APAF1: variants seen among roughly 807,000 people sequenced by gnomAD.
The protein encoded by APAF1 is apoptotic protease-activating factor 1.
A neutral mutation model predicts 152.4 loss-of-function variants in APAF1; 91 were observed. The ratio of observed to expected loss-of-function variants is 0.60; its 90% confidence interval spans 0.50 to 0.71. APAF1 has a LOEUF of 0.71. APAF1 is among the 30% of genes least tolerant of loss of function. The pLI is 0.00. For missense variants in APAF1, 1,283 were observed against 1,472.0 expected (o/e 0.87, Z 2.10); for synonymous variants, 484 against 494.1 (o/e 0.98, Z 0.27).
At chr12:98,712,997 T>C (rs1048236179) in intron 21 of APAF1, among the ~76,000 whole-genome samples, 1 of 152,128 alleles carries the variant, frequency 6.6e-6, no homozygotes, top group Non-Finnish European at 1.5e-5. Context: ...TTTCTGTTTT[T>C]GTAGAGATGG....
Position 98,703,508 on chromosome 12 carries a change from T to C in APAF1, c.2595+9T>C. ...CCCAGTACTGTGTAGAGGTGAGTAG[T>C]TGAATTTATTCTGTGAAGCCTGGGT... On this transcript the variant is annotated intron_variant, in intron 18 of 26. Transcript: ENST00000551964. 5 of 1,614,074 alleles carry C rather than the reference T, an allele frequency of 3.1e-6. No individual in the cohort carries two copies. Among genetic ancestry groups the C allele is most frequent in the Non-Finnish European group, 3.4e-6 (4 of 1,179,956 alleles).
At chr12:98,667,050 T>C (rs1373841669) in intron 9 of APAF1, among the ~76,000 whole-genome samples, 8 of 151,988 alleles carry the variant, frequency 5.3e-5, no homozygotes, top group Admixed American at 3.3e-4. Context: ...AAGTGGTATC[T>C]GCCAGGTTTC....
Position 98,708,685 on chromosome 12 carries a change from A to G in APAF1, c.2822A>G (p.Asp941Gly). 1.2e-6 allele frequency: 2 copies of G among 1,613,706 alleles called. No individual in the cohort carries two copies. The highest frequency in any genetic ancestry group is 1.7e-6 in the Non-Finnish European group (2 of 1,179,868). ...AATGAAGTGATGGTCCTTGCAGTTG[A>G]CCATATAAGACGTCTGCAAGTGAGT... Reference protein sequence around the residue: ...QENEVMVLAVDHIRRLQLING... With the variant: ...QENEVMVLAVGHIRRLQLING... The change falls in exon 20 of 27, where the codon GAC (aspartate) becomes GGC (glycine). Residue 941 changes from aspartate to glycine, a missense_variant. Physicochemically the swap from Asp to Gly is moderately conservative, Grantham distance 94. Transcript: ENST00000551964.
At chr12:98,651,467 T>C (rs1336212967) in intron 4 of APAF1, among the ~76,000 whole-genome samples, 1 of 152,166 alleles carries the variant, frequency 6.6e-6, no homozygotes, top group Non-Finnish European at 1.5e-5. Context: ...GATTTATCCT[T>C]GTTGCTATGT....
intron 17 of APAF1, 130 bp from the exon 18 acceptor site, chr12:98,703,241 T>C: frequency 2.1e-6 from 2 of 961,410 alleles, no homozygotes; most frequent in Non-Finnish European, 3.3e-6. Context: ...TTTATGACTG[T>C]CAATAATTAT....
Position 98,658,447 on chromosome 12 carries a change from A to G in APAF1, c.527-713A>G, listed in dbSNP as rs895941685. ...TTAACATAGCAATTTCACATATTTT[A>G]TATCATTAATTTTTCACAGCAACTC... On this transcript the variant is annotated intron_variant, in intron 4 of 26. Coordinates refer to ENST00000551964, the MANE Select transcript of APAF1 (RefSeq NM_181861.2). 3.3e-5 allele frequency among the ~76,000 whole-genome samples: 5 copies of G among 152,142 alleles called. No homozygotes were observed. The South Asian group carries it at 8.3e-4, about 25-fold the overall frequency.
intron 12 of APAF1, 45 bp downstream of exon 12, chr12:98,671,764 A>G (rs763913744): frequency 3.8e-6 from 6 of 1,571,496 alleles, no homozygotes; most frequent in Non-Finnish European, 5.3e-6. Context: ...TGCGCTAACT[A>G]TATCATTATT....
intron 4 of APAF1, among the ~76,000 whole-genome samples, chr12:98,651,656 AT>A (rs1235896030): frequency 6.7e-6 from 1 of 148,844 alleles, no homozygotes; most frequent in African/African-American, 2.5e-5. Flanking sequence ...GTAATTATTT[AT>A]TTATTTTTGT....
intron 20 of APAF1, among the ~76,000 whole-genome samples, chr12:98,709,784 T>C (rs1447974044): frequency 6.6e-6 from 1 of 152,180 alleles, no homozygotes; most frequent in Non-Finnish European, 1.5e-5. Context: ...GGCTTTTATG[T>C]GAACTGGTGG....
rs139782973 is a variant in APAF1 at position 98,723,824 on chromosome 12, C to T, written c.3330+60C>T. On this transcript the variant is annotated intron_variant, in intron 24 of 26. Coordinates refer to ENST00000551964, the MANE Select transcript of APAF1 (RefSeq NM_181861.2). ...TGGTAGTGGTTATGTATAATGAGTTCAAATAATATATGCAAAAGGACATAA... is the reference window on the plus strand; with the variant it reads ...TGGTAGTGGTTATGTATAATGAGTTTAAATAATATATGCAAAAGGACATAA... The T allele has an allele frequency of 1.5e-4, 225 of 1,540,966 alleles. 2 individuals carry two copies. The East Asian group carries it at 4.9e-3, about 33-fold the overall frequency.
At chr12:98,711,246 T>G (rs926382220) in intron 20 of APAF1, among the ~76,000 whole-genome samples, 4 of 152,222 alleles carry the variant, frequency 2.6e-5, no homozygotes, top group Admixed American at 6.5e-5. Context: ...ATTTCCTTTA[T>G]TAAATTTGTG....
chr12:98,698,699 C>T (rs1478967035), intron 16 of APAF1, among the ~76,000 whole-genome samples: 1 of 152,210 alleles, frequency 6.6e-6, no homozygotes, highest in East Asian at 1.9e-4. Flanking sequence ...TCTCCGTGGC[C>T]AACCTTTGGT....
intron 16 of APAF1, among the ~76,000 whole-genome samples, chr12:98,698,664 A>T (rs2097712145): frequency 2.0e-5 from 3 of 152,204 alleles, no homozygotes; most frequent in South Asian, 4.1e-4. Flanking sequence ...CCTGAGCAGC[A>T]GCTTTCTCCC....
chr12:98,696,147 C>T (rs1223128431), intron 16 of APAF1, among the ~76,000 whole-genome samples: 2 of 152,048 alleles, frequency 1.3e-5, no homozygotes, highest in Non-Finnish European at 2.9e-5. Flanking sequence ...ATACCTGAGA[C>T]TGGGTAATTT....
At chr12:98,725,566 A>G (rs937441712) in intron 25 of APAF1, 26 bp downstream of exon 25, 1 of 1,613,714 alleles carries the variant, frequency 6.2e-7, no homozygotes, top group African/African-American at 1.3e-5. Context: ...ACATGAGAGC[A>G]CTGCTCTTCT....
Position 98,732,852 on chromosome 12 carries a change from G to A in APAF1, c.*286G>A, listed in dbSNP as rs543214134. On this transcript the variant is annotated 3_prime_UTR_variant, in exon 27 of 27. Coordinates refer to ENST00000551964, the MANE Select transcript of APAF1 (RefSeq NM_181861.2). ...ACTGTTGGTAAAATTCTGTCTTGATGCATTCAAAATGGTTGACATAATTAA... is the reference window on the plus strand; with the variant it reads ...ACTGTTGGTAAAATTCTGTCTTGATACATTCAAAATGGTTGACATAATTAA... 4.7e-4 allele frequency: 171 copies of A among 360,092 alleles called. 2 individuals carry two copies. The highest frequency in any genetic ancestry group is 4.3e-3 in the Middle Eastern group (5 of 1,160). The allele number at this position is 360,092 out of a possible 1,614,324, so 22.3% of individuals were successfully genotyped here. A position where few individuals can be genotyped will look rare whatever the true frequency, so the allele number is the denominator to read the frequency against.
At position 98,725,430 on chromosome 12, in the gene APAF1, C is replaced by T. The variant is rs755242803; in HGVS notation, c.3346C>T (p.Leu1116Phe). The change falls in exon 25 of 27, where the codon CTC (leucine) becomes TTC (phenylalanine). Residue 1116 changes from leucine to phenylalanine, a missense_variant. Physicochemically the swap from Leu to Phe is conservative, Grantham distance 22. Coordinates refer to ENST00000551964, the MANE Select transcript of APAF1 (RefSeq NM_181861.2). The part of the protein sequence containing the change: ...DKTAKIWSFD[L>F]LLPLHELRGH... ...TGCCTTCCAGATCTGGAGTTTTGAT[C>T]TCCTTTTGCCACTTCATGAATTGAG... The T allele has an allele frequency of 6.2e-7, 1 of 1,614,086 alleles. No homozygotes were observed. Among genetic ancestry groups the T allele is most frequent in the East Asian group, 2.2e-5 (1 of 44,878 alleles).
chr12:98,723,433 T>G lies in APAF1; in HGVS notation c.3204+121T>G. 2 of 1,193,590 alleles carry G rather than the reference T, an allele frequency of 1.7e-6. No homozygotes were observed. Among genetic ancestry groups the G allele is most frequent in the Middle Eastern group, 2.8e-4 (1 of 3,562 alleles). 73.9% of individuals were successfully genotyped at this position (1,193,590 alleles called of 1,614,324 possible). A position where few individuals can be genotyped will look rare whatever the true frequency, so the allele number is the denominator to read the frequency against. ...ACTTAAAAATTTTTAATTTTTCTCA[T>G]GCTTGTTTTCTGTTAATTGCAGTCA... On this transcript the variant is annotated intron_variant, in intron 23 of 26. Transcript: ENST00000551964.
intron 16 of APAF1, among the ~76,000 whole-genome samples, chr12:98,694,635 T>G (rs978794749): frequency 6.6e-6 from 1 of 152,166 alleles, no homozygotes. Context: ...ATGCAGTATC[T>G]TTTATCTTTT....
Sources: gnomAD v4.1 joint callset for allele counts (sites outside exome capture counted in the v4.1 genomes callset) on GRCh38, gnomAD v4.1.1 for gene constraint, MANE v1.5 for transcripts, NCBI Gene and HGNC (gene_info 2026-07-23, HGNC 2026-07-21) for gene names.